Variants in NAV3 observed in about 807,000 individuals in gnomAD.
NAV3 encodes pore membrane and/or filament interacting like protein 1.
Under a neutral mutation model 244.7 loss-of-function variants are expected in NAV3, and 87 were observed. The observed-to-expected ratio is 0.36, with a 90% confidence interval of 0.30 to 0.42. The LOEUF (loss-of-function observed/expected upper bound fraction) is 0.42. Ranked by LOEUF, NAV3 falls within the 20% of genes least tolerant of loss-of-function variation. The pLI, the probability that NAV3 is intolerant of heterozygous loss-of-function variation, is 1.00. For missense variants in NAV3, 2,663 were observed against 2,893.3 expected, an observed-to-expected ratio of 0.92 and a Z score of 1.83; for synonymous variants, 1,126 against 1,042.2, an observed-to-expected ratio of 1.08 and a Z score of -1.55.
At chr12:77,898,647 T>C (rs1038002078) in intron 1 of NAV3, among the ~76,000 whole-genome samples, 1 of 152,206 alleles carries the variant, frequency 6.6e-6, no homozygotes, top group Non-Finnish European at 1.5e-5. Context: ...AAAATCAACA[T>C]AATTTCCTGT....
At chr12:77,785,802 A>G (rs757171707) in intron 2 of NAV3, among the ~76,000 whole-genome samples, 9 of 152,192 alleles carry the variant, frequency 5.9e-5, no homozygotes, top group African/African-American at 1.4e-4. Context: ...ATTAATTTCA[A>G]TATGGCTTTT....
At chr12:78,100,049 G>A (rs956785768) in intron 12 of NAV3, among the ~76,000 whole-genome samples, 1 of 151,856 alleles carries the variant, frequency 6.6e-6, no homozygotes, top group African/African-American at 2.4e-5. Context: ...AAAGGTCAGT[G>A]TATAAAGTTT....
At chr12:77,777,768 C>G (rs2135901820) in intron 2 of NAV3, among the ~76,000 whole-genome samples, 1 of 151,838 alleles carries the variant, frequency 6.6e-6, no homozygotes, top group South Asian at 2.1e-4. Flanking sequence ...TAGAAGGTAC[C>G]TCACCAAAAA....
intron 9 of NAV3, 42 bp from the exon 10 acceptor site, chr12:78,049,951 C>G (rs2137223285): frequency 7.1e-7 from 1 of 1,407,652 alleles, no homozygotes; most frequent in Non-Finnish European, 9.9e-7. Context: ...TTTGAGGATA[C>G]TAAATGTCAT....
At chr12:77,634,765 G>T (rs537232048) in intron 2 of NAV3, among the ~76,000 whole-genome samples, 1 of 151,788 alleles carries the variant, frequency 6.6e-6, no homozygotes, top group South Asian at 2.1e-4. Context: ...ATTTTTAACA[G>T]TAATTTTTTA....
intron 1 of NAV3, among the ~76,000 whole-genome samples, chr12:77,847,545 CCTT>C (rs756222403): frequency 6.2e-4 from 94 of 152,202 alleles, no homozygotes; most frequent in Non-Finnish European, 1.2e-3. Flanking sequence ...GGCAAGAAGT[CCTT>C]CTAGGAAGAA....
intron 2 of NAV3, among the ~76,000 whole-genome samples, chr12:77,742,735 A>C (rs1868360950): frequency 1.3e-5 from 2 of 152,040 alleles, no homozygotes; most frequent in South Asian, 4.1e-4. Flanking sequence ...CATAAAATTA[A>C]CTGTAGTACA....
intron 2 of NAV3, among the ~76,000 whole-genome samples, chr12:77,738,490 A>ATTCGCC (rs1208691870): frequency 1.3e-5 from 2 of 152,198 alleles, no homozygotes; most frequent in Non-Finnish European, 2.9e-5. Flanking sequence ...CCAAAGTTTA[A>ATTCGCC]TTCATTTTTC....
chr12:77,583,566 C>T (rs1013101785), intron 2 of NAV3, among the ~76,000 whole-genome samples: 5 of 152,094 alleles, frequency 3.3e-5, no homozygotes, highest in Non-Finnish European at 5.9e-5. Flanking sequence ...GGGAAAACTA[C>T]AAAATGAGGA....
At chr12:78,165,269 A>G (rs1285369616) in intron 23 of NAV3, among the ~76,000 whole-genome samples, 3 of 152,042 alleles carry the variant, frequency 2.0e-5, no homozygotes, top group African/African-American at 7.2e-5. Context: ...GTAACAAAAT[A>G]TGATCTGATT....
chr12:77,987,555 G>C (rs1295454439), intron 5 of NAV3, among the ~76,000 whole-genome samples: 3 of 152,006 alleles, frequency 2.0e-5, no homozygotes, highest in Non-Finnish European at 2.9e-5. Context: ...AGAAGGTAGA[G>C]ATATAACATG....
intron 1 of NAV3, among the ~76,000 whole-genome samples, chr12:77,858,185 GT>G (rs1878686940): frequency 6.6e-6 from 1 of 151,942 alleles, no homozygotes; most frequent in African/African-American, 2.4e-5. Context: ...ATTTCAAAAA[GT>G]TATCCATCAT....
Position 78,034,315 on chromosome 12 carries a change from A to G in NAV3, c.2023+12453A>G, listed in dbSNP as rs528901107. Among the ~76,000 whole-genome samples, 10 of 152,308 alleles carry G rather than the reference A, an allele frequency of 6.6e-5. No homozygotes were observed. The South Asian group carries it at 1.9e-3, about 28-fold the overall frequency. On this transcript the variant is annotated intron_variant, in intron 9 of 39. Coordinates refer to ENST00000397909, the MANE Select transcript of NAV3 (RefSeq NM_001024383.2). Reference sequence around the variant, plus strand: ...GAAAAACCATCCCCAGTTGAAAACCACTAATCTCAGCATAGTAGTTCTCAA... The same window carrying G: ...GAAAAACCATCCCCAGTTGAAAACCGCTAATCTCAGCATAGTAGTTCTCAA...
intron 1 of NAV3, among the ~76,000 whole-genome samples, chr12:77,870,209 A>C (rs998232068): frequency 6.6e-6 from 1 of 151,958 alleles, no homozygotes; most frequent in African/African-American, 2.4e-5. Flanking sequence ...AACTAAAAAT[A>C]CAAAAATTAC....
At chr12:77,996,267 AATTC>A (rs768207565) in intron 6 of NAV3, among the ~76,000 whole-genome samples, 2 of 152,152 alleles carry the variant, frequency 1.3e-5, no homozygotes, top group Non-Finnish European at 1.5e-5. Flanking sequence ...CACTTGGCCA[AATTC>A]ATTAGTTGGG....
chr12:77,809,659 C>G (rs1049775830), intron 2 of NAV3, among the ~76,000 whole-genome samples: 12 of 152,154 alleles, frequency 7.9e-5, no homozygotes, highest in African/African-American at 2.9e-4. Flanking sequence ...AACATTTTAC[C>G]CAGTGAACCT....
intron 8 of NAV3, among the ~76,000 whole-genome samples, chr12:78,017,631 C>T (rs1462494094): frequency 6.6e-6 from 1 of 151,974 alleles, no homozygotes; most frequent in Non-Finnish European, 1.5e-5. Context: ...GAAGAGAATG[C>T]ATTATCAGTT....
chr12:78,108,164 A>G (rs1954904049), intron 12 of NAV3, among the ~76,000 whole-genome samples: 1 of 152,172 alleles, frequency 6.6e-6, no homozygotes, highest in Admixed American at 6.5e-5. Flanking sequence ...CTATACTTAA[A>G]TTAGATCATA....
At chr12:77,591,058 C>T (rs560382304) in intron 2 of NAV3, among the ~76,000 whole-genome samples, 1 of 152,126 alleles carries the variant, frequency 6.6e-6, no homozygotes, top group Non-Finnish European at 1.5e-5. Flanking sequence ...ATTAGTTTCC[C>T]TGAATGCTGC....
Sources: allele counts gnomAD v4.1 joint callset (sites outside exome capture counted in the v4.1 genomes callset), GRCh38; gene constraint gnomAD v4.1.1; transcripts MANE v1.5; gene names NCBI Gene and HGNC (gene_info 2026-07-23, HGNC 2026-07-21).